Variants in ZIM2 observed in about 807,000 individuals in gnomAD.
ZIM2 encodes zinc finger protein 656.
In ZIM2, 14 loss-of-function variants were observed where a neutral mutation model predicts 38.6. The ratio of observed to expected loss-of-function variants is 0.36; its 90% CI spans 0.24 to 0.57. The LOEUF (loss-of-function observed/expected upper bound fraction) is 0.57. Among genes scored for constraint, ZIM2 ranks in the 20% least tolerant of loss-of-function variants. The probability of loss-of-function intolerance (pLI) is 0.81; values close to 1 mark genes in which losing one functional copy is unlikely to be tolerated. For synonymous variants in ZIM2, 247 were observed against 245.8 expected, an observed-to-expected ratio of 1.00 and a Z score of -0.04; for missense variants, 680 against 695.1, an observed-to-expected ratio of 0.98 and a Z score of 0.24.
At position 56,775,437 on chromosome 19, in the gene ZIM2, G is replaced by C. The variant is rs748954358; in HGVS notation, c.928C>G (p.Pro310Ala). The change falls in exon 13 of 13, where the codon CCG becomes GCG. Residue 310 changes from proline to alanine, a missense_variant. Physicochemically the swap from Pro to Ala is conservative, Grantham distance 27. Coordinates refer to ENST00000629319, the MANE Select transcript of ZIM2 (RefSeq NM_001387356.1). ...TCATCACTGCCATAGCTTCTTTCCG[G>C]AGTGAGGGTCTTGGGGTCATTCATT... ...ITMNDPKTLT[P>A]ERSYGSDEFE... 6.2e-7 allele frequency: 1 copy of C among 1,614,090 alleles called. No individual in the cohort carries two copies. The highest frequency in any genetic ancestry group is 8.5e-7 in the Non-Finnish European group (1 of 1,180,022).
intron 11 of ZIM2, 65 bp downstream of exon 11, chr19:56,781,888 C>G: frequency 6.4e-7 from 1 of 1,562,292 alleles, no homozygotes; most frequent in Non-Finnish European, 8.7e-7. Context: ...TGAGAGGACA[C>G]GAAGGAGTTG....
chr19:56,801,919 A>G (rs992487020), intron 9 of ZIM2, among the ~76,000 whole-genome samples: 8 of 152,340 alleles, frequency 5.3e-5, no homozygotes, highest in East Asian at 1.9e-4. Context: ...TGCCAGCTGG[A>G]TAACTCACAG....
chr19:56,823,583 T>A lies in ZIM2; in HGVS notation c.106+7A>T. On this transcript the variant is annotated splice_region_variant and intron_variant, in intron 5 of 12. Transcript: ENST00000629319. ...CCCATGGGTGACCAGTGGGGATGGGTACTCACCACTGAAAGAATGGACTGA... is the reference window on the plus strand; with the variant it reads ...CCCATGGGTGACCAGTGGGGATGGGAACTCACCACTGAAAGAATGGACTGA... The A allele has an allele frequency of 2.5e-6, 4 of 1,614,022 alleles. No individual in the cohort carries two copies. In the South Asian group the frequency reaches 4.4e-5, roughly 18 times the overall value.
At chr19:56,834,433 A>C (rs2061877494) in intron 2 of ZIM2, among the ~76,000 whole-genome samples, 2 of 152,178 alleles carry the variant, frequency 1.3e-5, no homozygotes, top group Admixed American at 6.5e-5. Context: ...CAACCTTCTC[A>C]TTATGGTTGT....
At chr19:56,786,319 C>T in intron 10 of ZIM2, among the ~76,000 whole-genome samples, 1 of 152,098 alleles carries the variant, frequency 6.6e-6, no homozygotes. Context: ...GGAAAAGGCC[C>T]TTTTCAATTG....
In ZIM2 at chr19:56,776,816, G is replaced by A. The variant is rs370168367; in HGVS notation, c.836-1287C>T. Among the ~76,000 whole-genome samples, 23 of 152,188 alleles carry A rather than the reference G, an allele frequency of 1.5e-4. 1 individual carries two copies. The highest frequency in any genetic ancestry group is 4.6e-4 in the African/African-American group (19 of 41,516). ...ATTAGTGGAGGGGACAGCATTTGGC[G>A]TCAGTAAACGGGGAAGGGGGGCGAG... On this transcript the variant is annotated intron_variant, in intron 12 of 12. Coordinates refer to ENST00000629319, the MANE Select transcript of ZIM2 (RefSeq NM_001387356.1).
chr19:56,774,670 G>A lies in ZIM2; in HGVS notation c.*18C>T. 3 of 1,608,732 alleles carry A rather than the reference G, an allele frequency of 1.9e-6. No individual in the cohort carries two copies. Among genetic ancestry groups the A allele is most frequent in the Non-Finnish European group, 2.5e-6 (3 of 1,176,658 alleles). On this transcript the variant is annotated 3_prime_UTR_variant, in exon 13 of 13. Transcript: ENST00000629319. ...GCCAATAATGTTGAGAAAAGTGTGT[G>A]CTGTGACTAAAGGTTTCTCAACAGT... is the stretch of plus-strand genomic sequence containing the variant.
rs1185613086 is a variant in ZIM2 at position 56,817,014 on chromosome 19, T to C, written c.490+732A>G. On this transcript the variant is annotated intron_variant, in intron 9 of 12. Coordinates refer to ENST00000629319, the MANE Select transcript of ZIM2 (RefSeq NM_001387356.1). ...ACTCACCATACTCATAGAGGTTCTC[T>C]CTAGTATGCATGATCTGGTGCTCAA... The C allele has an allele frequency of 2.5e-6, 4 of 1,613,800 alleles. No homozygotes were observed. In the African/African-American group the frequency reaches 4.0e-5, roughly 16 times the overall value.
intron 9 of ZIM2, among the ~76,000 whole-genome samples, chr19:56,791,752 T>C (rs1198719366): frequency 6.6e-6 from 1 of 152,208 alleles, no homozygotes; most frequent in Admixed American, 6.5e-5. Flanking sequence ...GTTAGTATTA[T>C]TTGTTTCAAA....
intron 9 of ZIM2, chr19:56,812,223 G>A (rs773078301): frequency 1.6e-4 from 159 of 981,524 alleles, no homozygotes; most frequent in Non-Finnish European, 1.2e-4. Flanking sequence ...AAGGAGCACA[G>A]GTAGTCCACA....
In ZIM2 at chr19:56,814,062, GTCT is replaced by G. The variant is rs749974066; in HGVS notation, c.490+3681_490+3683del. On this transcript the variant is annotated intron_variant, in intron 9 of 12. Coordinates refer to ENST00000629319, the MANE Select transcript of ZIM2 (RefSeq NM_001387356.1). The surrounding 1 kb of genome is among the most constrained non-coding windows in gnomAD (Gnocchi z 5.8). ...CTGGCTCTTCAGCTCTTTCTTCTGGGTCTTCAATACCTGCACCATCTGGCTCAT... is the reference window on the plus strand; with the variant it reads ...CTGGCTCTTCAGCTCTTTCTTCTGGGTCAATACCTGCACCATCTGGCTCAT... The G allele has an allele frequency of 4.5e-5, 72 of 1,614,016 alleles. 1 individual carries two copies. In the Admixed American group the frequency reaches 8.7e-4, roughly 19 times the overall value.
chr19:56,811,987 C>T, intron 9 of ZIM2: 1 of 985,340 alleles, frequency 1.0e-6, no homozygotes, highest in Admixed American at 6.1e-5. Flanking sequence ...TTGACACTCC[C>T]TGCATCTTTG....
chr19:56,834,018 G>C (rs1351836539), intron 2 of ZIM2, among the ~76,000 whole-genome samples: 1 of 152,234 alleles, frequency 6.6e-6, no homozygotes, highest in East Asian at 1.9e-4. Flanking sequence ...TAGAAAGAGA[G>C]GAAATAATAT....
At chr19:56,806,736 G>A (rs527843897) in intron 9 of ZIM2, among the ~76,000 whole-genome samples, 1 of 152,152 alleles carries the variant, frequency 6.6e-6, no homozygotes, top group Non-Finnish European at 1.5e-5. Flanking sequence ...GGGCCTTTAG[G>A]AGGTGATTAG....
At chr19:56,836,843 C>A (rs577950332) in intron 1 of ZIM2, among the ~76,000 whole-genome samples, 1 of 152,032 alleles carries the variant, frequency 6.6e-6, no homozygotes, top group African/African-American at 2.4e-5. Flanking sequence ...TGGCGCGCGC[C>A]TGTATTCCCA....
intron 9 of ZIM2, chr19:56,815,798 A>G (rs2146181213): frequency 1.9e-6 from 3 of 1,613,530 alleles, no homozygotes; most frequent in Non-Finnish European, 8.5e-7. Context: ...CCCCCTTCAC[A>G]AGGGTTCTCT....
intron 1 of ZIM2, among the ~76,000 whole-genome samples, chr19:56,840,242 G>GC (rs2062851925): frequency 6.6e-6 from 1 of 152,220 alleles, no homozygotes; most frequent in South Asian, 2.1e-4. Context: ...CCCCCGGTTT[G>GC]CTGCGGTGGC....
chr19:56,828,551 C>A (rs1302333511), intron 2 of ZIM2, among the ~76,000 whole-genome samples: 1 of 152,158 alleles, frequency 6.6e-6, no homozygotes, highest in Admixed American at 6.5e-5. Flanking sequence ...GCAGAGACCA[C>A]TGAAAGGCCA....
At chr19:56,837,617 A>G (rs1186848039) in intron 1 of ZIM2, among the ~76,000 whole-genome samples, 2 of 152,226 alleles carry the variant, frequency 1.3e-5, no homozygotes, top group African/African-American at 2.4e-5. Flanking sequence ...ACGCTGCCCA[A>G]GATAGCGGGG....
Sources: gnomAD v4.1 joint callset for allele counts (sites outside exome capture counted in the v4.1 genomes callset) on GRCh38, gnomAD v4.1.1 for gene constraint, Gnocchi (gnomAD v3.1) non-coding constraint, MANE v1.5 for transcripts, NCBI Gene and HGNC (gene_info 2026-07-23, HGNC 2026-07-21) for gene names.